The following MCF2L variants were observed in gnomAD, a reference collection of about 807,000 sequenced individuals.
MCF2L encodes the protein guanine nucleotide exchange factor DBS.
In MCF2L, 97 loss-of-function variants were observed where a neutral mutation model predicts 153.4. That is an observed-to-expected ratio of 0.63 (90% CI 0.54 to 0.75). The LOEUF (loss-of-function observed/expected upper bound fraction) is 0.75, where lower values mean the gene tolerates loss of function less well. Among genes scored for constraint, MCF2L ranks in the 30% least tolerant of loss-of-function variants. The pLI is 0.00. For synonymous variants in MCF2L, 659 were observed against 632.2 expected (o/e 1.04, Z -0.64); for missense variants, 1,347 against 1,495.2 (o/e 0.90, Z 1.64).
intron 3 of MCF2L, among the ~76,000 whole-genome samples, chr13:113,033,318 C>CCGTGA (rs2085890209): frequency 8.4e-6 from 1 of 119,142 alleles, no homozygotes; most frequent in Admixed American, 8.3e-5. Flanking sequence ...TGAGTGGCCC[C>CCGTGA]TGTGGCGTGA....
rs112564351 is a variant in MCF2L at position 113,034,737 on chromosome 13, G to A, written c.278+9979G>A. ...CCTTGCCCTGGTCTCACCGGCATGA[G>A]CAGAAAGACAAGGCCCGGGGTTGCA... is the stretch of plus-strand genomic sequence containing the variant. On this transcript the variant is annotated intron_variant, in intron 3 of 29. Coordinates refer to ENST00000535094, the MANE Select transcript of MCF2L (RefSeq NM_001112732.3). 9.5e-4 allele frequency among the ~76,000 whole-genome samples: 144 copies of A among 152,332 alleles called. 1 individual carries two copies. Among genetic ancestry groups the A allele is most frequent in the African/African-American group, 3.3e-3 (138 of 41,568 alleles).
rs2035753514 is a variant in MCF2L, at chr13:113,097,492, C to T, written c.*633C>T. On this transcript the variant is annotated 3_prime_UTR_variant, in exon 30 of 30. Transcript: ENST00000535094. ...CTCTCCCATGGAAACGGATGGCACTCCCTGAAGCTCCCTGGTCACAGGTGG... is the reference window on the plus strand; with the variant it reads ...CTCTCCCATGGAAACGGATGGCACTTCCTGAAGCTCCCTGGTCACAGGTGG... 1 of 152,180 alleles carries T rather than the reference C, an allele frequency of 6.6e-6. No homozygotes were observed. 9.4% of individuals were successfully genotyped at this position (152,180 alleles called of 1,614,324 possible). A position where few individuals can be genotyped will look rare whatever the true frequency, so the allele number is the denominator to read the frequency against.
rs1431552960 is a variant in MCF2L at position 113,028,575 on chromosome 13, C to T, written c.278+3817C>T. Reference sequence around the variant, plus strand: ...AGTCCCCGCTGTGGACACGCGGGCCCCAGGTTGCTCAGAGGCAGCTCCATG... The same window carrying T: ...AGTCCCCGCTGTGGACACGCGGGCCTCAGGTTGCTCAGAGGCAGCTCCATG... On this transcript the variant is annotated intron_variant, in intron 3 of 29. Transcript: ENST00000535094. This position sits in a 1 kb window ranked among gnomAD's most constrained non-coding sequence, Gnocchi z 5.4. 6.6e-6 allele frequency among the ~76,000 whole-genome samples: 1 copy of T among 152,216 alleles called. No homozygotes were observed. The highest frequency in any genetic ancestry group is 6.5e-5 in the Admixed American group (1 of 15,284).
chr13:113,037,607 A>C (rs9549344), intron 3 of MCF2L, among the ~76,000 whole-genome samples: 78,203 of 152,014 alleles, frequency 0.51, 20,291 homozygotes, highest in Non-Finnish European at 0.55. Context: ...ATATTTCCAC[A>C]AAGAGCAACT....
intron 3 of MCF2L, among the ~76,000 whole-genome samples, chr13:113,034,500 C>T (rs191283223): frequency 6.4e-4 from 97 of 152,326 alleles, no homozygotes; most frequent in African/African-American, 2.1e-3. Context: ...GATGGTTATG[C>T]TGGCTCCGTC....
intron 1 of MCF2L, among the ~76,000 whole-genome samples, chr13:112,977,250 G>T (rs529822130): frequency 1.3e-5 from 2 of 152,238 alleles, no homozygotes; most frequent in East Asian, 3.9e-4. Context: ...AGACTCCCGG[G>T]GTTCACAAAA....
chr13:113,029,666 C>G (rs1295197308), intron 3 of MCF2L, among the ~76,000 whole-genome samples: 1 of 152,208 alleles, frequency 6.6e-6, no homozygotes, highest in East Asian at 1.9e-4. Flanking sequence ...GCGGGGCTGC[C>G]CTCTGCTGGA....
intron 5 of MCF2L, 143 bp downstream of exon 5, chr13:113,060,855 C>T: frequency 4.5e-6 from 5 of 1,104,640 alleles, no homozygotes; most frequent in Non-Finnish European, 6.4e-6. Flanking sequence ...CGGGAAGTTG[C>T]ACCTCCTCAA....
chr13:112,916,186 G>A (rs1419963872), intron 2 of MCF2L, among the ~76,000 whole-genome samples: 1 of 147,612 alleles, frequency 6.8e-6, no homozygotes, highest in Non-Finnish European at 1.5e-5. Context: ...CTAGCCTGGG[G>A]ACAGGGCCTC....
intron 2 of MCF2L, among the ~76,000 whole-genome samples, chr13:112,938,340 G>C (rs1460316046): frequency 6.6e-6 from 1 of 152,080 alleles, no homozygotes; most frequent in Non-Finnish European, 1.5e-5. Flanking sequence ...TGAGTGGTTG[G>C]TTCAGGTGAG....
chr13:112,939,927 C>T (rs1018961723), intron 2 of MCF2L, among the ~76,000 whole-genome samples: 5 of 151,932 alleles, frequency 3.3e-5, no homozygotes, highest in African/African-American at 1.2e-4. Context: ...TGAGATGGTG[C>T]CACTGCATTC....
chr13:112,897,706 C>A (rs1474741074), intron 1 of MCF2L, among the ~76,000 whole-genome samples: 1 of 152,250 alleles, frequency 6.6e-6, no homozygotes, highest in Non-Finnish European at 1.5e-5. Context: ...TCACCATCTT[C>A]ACTTTTCATT....
In MCF2L at chr13:112,991,381, G is replaced by T. The variant is rs1421291004; in HGVS notation, c.79+21923G>T. On this transcript the variant is annotated intron_variant, in intron 1 of 29. Transcript: ENST00000535094. ...CTGTGTTTTGGGGGGCATCTCCCAG[G>T]ACCTGATTCGCTGTGTTTTGGGGGG... Among the ~76,000 whole-genome samples the T allele has an allele frequency of 5.3e-5, 8 of 151,896 alleles. No homozygotes were observed. In the South Asian group the frequency reaches 1.7e-3, roughly 32 times the overall value.
chr13:113,094,643 C>T lies in MCF2L; in HGVS notation c.3075+8C>T, dbSNP rs188753593. ...TTGGGCCCCAAGAAGCTGGTAACCA[C>T]GGCTTCCCTGTGGGCACTTGGGGTG... On this transcript the variant is annotated splice_region_variant and intron_variant, in intron 27 of 29. Transcript: ENST00000535094. The T allele has an allele frequency of 1.6e-3, 2,648 of 1,606,550 alleles. 10 individuals are homozygous for T. Among genetic ancestry groups the T allele is most frequent in the Non-Finnish European group, 1.3e-3 (1,559 of 1,177,260 alleles).
At chr13:112,940,696 A>G (rs934736401) in intron 2 of MCF2L, among the ~76,000 whole-genome samples, 5 of 152,246 alleles carry the variant, frequency 3.3e-5, no homozygotes, top group African/African-American at 1.2e-4. Flanking sequence ...AATCTTCTGT[A>G]TAGCTTTATG....
At chr13:113,075,841 C>G (rs569368893) in intron 11 of MCF2L, 125 bp from the exon 12 acceptor site, 10 of 709,168 alleles carry the variant, frequency 1.4e-5, no homozygotes, top group Non-Finnish European at 2.1e-5. Flanking sequence ...GACAGGGTGG[C>G]GGGAGCACGA....
chr13:113,089,764 C>T, intron 26 of MCF2L, 36 bp downstream of exon 26: 1 of 1,598,658 alleles, frequency 6.3e-7, no homozygotes, highest in Non-Finnish European at 8.6e-7. Context: ...CACACGGAGG[C>T]CTCACACGGA....
intron 3 of MCF2L, chr13:113,040,905 G>A (rs1206838610): frequency 1.3e-5 from 2 of 152,324 alleles, no homozygotes; most frequent in South Asian, 2.1e-4. Context: ...CCAAGGTCAC[G>A]AGCCCTGAGT....
Position 113,060,556 on chromosome 13 carries a change from C to T in MCF2L, c.370-37C>T, listed in dbSNP as rs748890296. ...ACTAGGGGGGCTGCTGTCTGCAGAGCACGCTGCAGGCCCTTGTCTCTCGCC... is the reference window on the plus strand; with the variant it reads ...ACTAGGGGGGCTGCTGTCTGCAGAGTACGCTGCAGGCCCTTGTCTCTCGCC... On this transcript the variant is annotated intron_variant, in intron 4 of 29. Transcript: ENST00000535094. 3.1e-6 allele frequency: 5 copies of T among 1,606,848 alleles called. No homozygotes were observed. In the Admixed American group the frequency reaches 6.7e-5, roughly 21 times the overall value.
Sources: allele counts gnomAD v4.1 joint callset (sites outside exome capture counted in the v4.1 genomes callset), GRCh38; gene constraint gnomAD v4.1.1; non-coding constraint Gnocchi (gnomAD v3.1); transcripts MANE v1.5; gene names NCBI Gene and HGNC (gene_info 2026-07-23, HGNC 2026-07-21).